ZBTB7C: variants seen among roughly 807,000 people sequenced by gnomAD.
ZBTB7C encodes the protein zinc finger and BTB domain-containing protein 7C.
Under a neutral mutation model 25.7 loss-of-function variants are expected in ZBTB7C, and 8 were observed. The observed-to-expected ratio is 0.31, with a 90% CI of 0.18 to 0.56. The LOEUF (loss-of-function observed/expected upper bound fraction) is 0.56. ZBTB7C is among the 20% of genes least tolerant of loss of function. The pLI is 0.91. For missense variants in ZBTB7C, 824 were observed against 855.2 expected (o/e 0.96, Z 0.46); for synonymous variants, 394 against 369.0 (o/e 1.07, Z -0.78).
chr18:48,040,284 A>T lies in ZBTB7C; in HGVS notation c.824T>A (p.Met275Lys), dbSNP rs1382240766. Residue 275 changes from methionine to lysine, a missense_variant, in exon 4 of 5, where the codon ATG (methionine) becomes AAG (lysine). By Grantham distance (95) the Met-to-Lys change is moderately conservative (BLOSUM62 -1). This residue lies in a region of ZBTB7C where 316 missense variants were observed against 299.2 expected (regional missense o/e 1.06). Coordinates refer to ENST00000590800, the MANE Select transcript of ZBTB7C (RefSeq NM_001318841.2). ...GACCAGATCCAGTGGCCCACTGTCC[A>T]TGGGCTGCTCAGGCAGCTGGGCAAA... ...GAFAQLPEQP[M>K]DSGPLDLVIK... 6 of 1,573,176 alleles carry T rather than the reference A, an allele frequency of 3.8e-6. No homozygotes were observed. Among genetic ancestry groups the T allele is most frequent in the Non-Finnish European group, 5.2e-6 (6 of 1,161,708 alleles).
At chr18:48,318,932 GGTTCTGAGCCCCCACCCCTGTAAAC>G (rs1413501993) in intron 2 of ZBTB7C, among the ~76,000 whole-genome samples, 12 of 152,288 alleles carry the variant, frequency 7.9e-5, no homozygotes, top group African/African-American at 2.9e-4. Flanking sequence ...TGCTGGAGTA[GGTTCTGAGCCCCCACCCCTGTAAAC>G]ACAAGGCCCA....
At chr18:48,367,202 TAC>T (rs1180190109) in intron 1 of ZBTB7C, among the ~76,000 whole-genome samples, 1,344 of 63,170 alleles carry the variant, frequency 0.021, 61 homozygotes, top group South Asian at 0.09. Context: ...TATATATATA[TAC>T]ACACACACAC....
At chr18:48,283,360 A>G (rs1472577844) in intron 2 of ZBTB7C, among the ~76,000 whole-genome samples, 1 of 152,122 alleles carries the variant, frequency 6.6e-6, no homozygotes, top group Non-Finnish European at 1.5e-5. Context: ...TCTTCTTTCT[A>G]TTTTCTGTTT....
At chr18:48,165,752 T>C (rs1182013697) in intron 3 of ZBTB7C, among the ~76,000 whole-genome samples, 2 of 152,210 alleles carry the variant, frequency 1.3e-5, no homozygotes, top group African/African-American at 2.4e-5. Flanking sequence ...AATGGGGAAC[T>C]TGAACATCGT....
chr18:48,177,643 C>T (rs1423319092), intron 3 of ZBTB7C, among the ~76,000 whole-genome samples: 1 of 152,090 alleles, frequency 6.6e-6, no homozygotes, highest in Admixed American at 6.5e-5. Flanking sequence ...GAAATCGCCC[C>T]TCAGGCCAGG....
chr18:48,332,510 A>G (rs1200214815), intron 2 of ZBTB7C, among the ~76,000 whole-genome samples: 1 of 152,102 alleles, frequency 6.6e-6, no homozygotes, highest in East Asian at 1.9e-4. Context: ...GTGTCTCCAA[A>G]GTTATATTAT....
intron 2 of ZBTB7C, among the ~76,000 whole-genome samples, chr18:48,270,253 C>CTTTTTT (rs760096959): frequency 6.6e-3 from 649 of 98,598 alleles, no homozygotes; most frequent in Non-Finnish European, 8.4e-3. Flanking sequence ...TTCTCTCTTT[C>CTTTTTT]TTTTTTTTTT....
intron 3 of ZBTB7C, among the ~76,000 whole-genome samples, chr18:48,102,814 G>A (rs188187660): frequency 6.6e-6 from 1 of 151,856 alleles, no homozygotes; most frequent in Non-Finnish European, 1.5e-5. Flanking sequence ...TGGCTACATT[G>A]CATTTATATC....
chr18:48,124,824 C>A (rs984325678), intron 3 of ZBTB7C, among the ~76,000 whole-genome samples: 10 of 152,210 alleles, frequency 6.6e-5, no homozygotes, highest in African/African-American at 2.4e-4. Context: ...AATTTTAACA[C>A]TGGTTGGGAG....
rs377159958 is a variant in ZBTB7C, at chr18:48,028,395, C to T, written c.*865G>A. 5.9e-5 allele frequency: 9 copies of T among 152,220 alleles called. No homozygotes were observed. Among genetic ancestry groups the T allele is most frequent in the African/African-American group, 2.2e-4 (9 of 41,442 alleles). 9.4% of individuals were successfully genotyped at this position (152,220 alleles called of 1,614,324 possible). On this transcript the variant is annotated 3_prime_UTR_variant, in exon 5 of 5. Coordinates refer to ENST00000590800, the MANE Select transcript of ZBTB7C (RefSeq NM_001318841.2). ...GCTTTGCTGAAGCTCGGAAGCTCCC[C>T]TGATGACCTGATCTCTGTCTAGTCT...
intron 1 of ZBTB7C, among the ~76,000 whole-genome samples, chr18:48,380,841 G>C (rs1357530558): frequency 6.6e-6 from 1 of 152,140 alleles, no homozygotes; most frequent in African/African-American, 2.4e-5. Flanking sequence ...TAGGGCAACT[G>C]GGTATGACGT....
rs181265688 is a variant in ZBTB7C, at chr18:48,343,110, C to T, written c.-303-4712G>A. Among the ~76,000 whole-genome samples the T allele has an allele frequency of 2.5e-3, 383 of 152,240 alleles. 3 individuals carry two copies. Among genetic ancestry groups the T allele is most frequent in the Non-Finnish European group, 4.4e-3 (300 of 68,018 alleles). ...TTGGATCTGTAACCAGCTGGCTGTG[C>T]GACCTTAGGTAAGTTGCTTGAGCTC... On this transcript the variant is annotated intron_variant, in intron 1 of 4. Transcript: ENST00000590800.
chr18:48,371,948 G>A (rs2145165204), intron 1 of ZBTB7C, among the ~76,000 whole-genome samples: 1 of 152,270 alleles, frequency 6.6e-6, no homozygotes, highest in East Asian at 1.9e-4. Context: ...AGTGCCAGGG[G>A]CTTGGAGGCC....
intron 2 of ZBTB7C, among the ~76,000 whole-genome samples, chr18:48,254,119 G>A (rs1026099453): frequency 2.6e-5 from 4 of 152,198 alleles, no homozygotes; most frequent in Admixed American, 2.6e-4. Flanking sequence ...GGGAGTTGTT[G>A]GTAAGGTTTT....
intron 2 of ZBTB7C, among the ~76,000 whole-genome samples, chr18:48,240,087 C>T (rs1568324031): frequency 6.6e-6 from 1 of 151,946 alleles, no homozygotes; most frequent in African/African-American, 2.4e-5. Context: ...AAACTTTCAA[C>T]AATAGAATCA....
intron 2 of ZBTB7C, among the ~76,000 whole-genome samples, chr18:48,189,785 A>G (rs2145151042): frequency 6.6e-6 from 1 of 152,320 alleles, no homozygotes; most frequent in South Asian, 2.1e-4. Flanking sequence ...TAGATCATTA[A>G]GGAATACTCA....
chr18:48,067,680 C>T (rs1289807087), intron 3 of ZBTB7C, among the ~76,000 whole-genome samples: 1 of 152,158 alleles, frequency 6.6e-6, no homozygotes, highest in Non-Finnish European at 1.5e-5. Context: ...CCAGCCCTTA[C>T]AATTGCACGA....
rs771088234 is a variant in ZBTB7C at position 48,040,557 on chromosome 18, C to T, written c.551G>A (p.Ser184Asn). ...QENLPDPQDI[S>N]CHQSPSKTDH... ...TGTCTTGGAAGGGCTTTGGTGGCAG[C>T]TGATGTCCTGGGGGTCAGGCAAGTT... Residue 184 changes from serine (S) to asparagine (N), a missense_variant, in exon 4 of 5, where the codon AGC becomes AAC. Ser to Asn is a conservative substitution (Grantham distance 46). This residue lies in a region of ZBTB7C where 316 missense variants were observed against 299.2 expected (regional missense o/e 1.06). Transcript: ENST00000590800. 6.2e-7 allele frequency: 1 copy of T among 1,614,068 alleles called. No individual in the cohort carries two copies. The highest frequency in any genetic ancestry group is 8.5e-7 in the Non-Finnish European group (1 of 1,179,990).
intron 3 of ZBTB7C, among the ~76,000 whole-genome samples, chr18:48,083,536 G>C (rs2038073016): frequency 6.6e-6 from 1 of 152,178 alleles, no homozygotes; most frequent in Non-Finnish European, 1.5e-5. Context: ...GGGTACGCTG[G>C]AGACAGAGAG....
Sources: allele counts gnomAD v4.1 joint callset (sites outside exome capture counted in the v4.1 genomes callset), GRCh38; gene constraint gnomAD v4.1.1; regional missense constraint gnomAD v4.1.1; transcripts MANE v1.5; gene names NCBI Gene and HGNC (gene_info 2026-07-23, HGNC 2026-07-21).